Variants in FRAS1 observed in about 807,000 individuals in gnomAD.
The protein encoded by FRAS1 is extracellular matrix organizing protein FRAS1.
Under a neutral mutation model 435.2 loss-of-function variants are expected in FRAS1, and 290 were observed. The ratio of observed to expected loss-of-function variants is 0.67; its 90% confidence interval spans 0.61 to 0.73. The LOEUF (loss-of-function observed/expected upper bound fraction) is 0.73. FRAS1 is among the 30% of genes least tolerant of loss of function. The probability of loss-of-function intolerance (pLI) is 0.00; values close to 1 mark genes in which losing one functional copy is unlikely to be tolerated. For synonymous variants in FRAS1, 1,800 were observed against 1,851.0 expected (o/e 0.97, Z 0.71); for missense variants, 4,860 against 5,001.5 (o/e 0.97, Z 0.85).
intron 2 of FRAS1, among the ~76,000 whole-genome samples, chr4:78,109,487 A>C (rs1742582120): frequency 1.3e-5 from 2 of 151,676 alleles, no homozygotes; most frequent in African/African-American, 2.4e-5. Context: ...AAACAGAGCC[A>C]AAGACAAAAA....
At chr4:78,323,115 A>C (rs1487424898) in intron 18 of FRAS1, among the ~76,000 whole-genome samples, 1 of 152,000 alleles carries the variant, frequency 6.6e-6, no homozygotes, top group African/African-American at 2.4e-5. Flanking sequence ...TTGGCTCTTC[A>C]AAAAAAATGA....
chr4:78,384,218 G>T, intron 28 of FRAS1, 75 bp downstream of exon 28: 2 of 1,046,298 alleles, frequency 1.9e-6, no homozygotes, highest in Admixed American at 2.5e-5. Flanking sequence ...GGTTTCCTGT[G>T]GATTTAATGA....
At chr4:78,196,530 T>A (rs1003816585) in intron 2 of FRAS1, among the ~76,000 whole-genome samples, 2 of 152,206 alleles carry the variant, frequency 1.3e-5, no homozygotes, top group African/African-American at 4.8e-5. Flanking sequence ...TAATCCTTAT[T>A]TACTCTTATT....
chr4:78,230,320 A>AT (rs1212293755), intron 2 of FRAS1, among the ~76,000 whole-genome samples: 1 of 152,154 alleles, frequency 6.6e-6, no homozygotes, highest in Non-Finnish European at 1.5e-5. Context: ...ATTAACCTGT[A>AT]TTTGCTCCTC....
chr4:78,125,386 G>T (rs540599900), intron 2 of FRAS1, among the ~76,000 whole-genome samples: 1 of 152,114 alleles, frequency 6.6e-6, no homozygotes, highest in African/African-American at 2.4e-5. Flanking sequence ...TTTTACATTT[G>T]CTGAGGAGTG....
At chr4:78,336,445 G>T (rs905206862) in intron 19 of FRAS1, among the ~76,000 whole-genome samples, 1 of 152,166 alleles carries the variant, frequency 6.6e-6, no homozygotes, top group Non-Finnish European at 1.5e-5. Flanking sequence ...GGAGCCAGCA[G>T]ATGGATGGTA....
intron 29 of FRAS1, among the ~76,000 whole-genome samples, chr4:78,389,653 G>A (rs542221945): frequency 4.6e-5 from 7 of 152,240 alleles, no homozygotes; most frequent in East Asian, 1.9e-4. Flanking sequence ...TTGTTTCTTC[G>A]TTCTTGGTTT....
chr4:78,159,990 G>T (rs1721072136), intron 2 of FRAS1, among the ~76,000 whole-genome samples: 1 of 152,206 alleles, frequency 6.6e-6, no homozygotes, highest in East Asian at 1.9e-4. Flanking sequence ...CCATGGGAGA[G>T]AAAGGGTGTT....
chr4:78,308,251 C>T lies in FRAS1; in HGVS notation c.1678+42C>T, dbSNP rs773407561. 29 of 1,589,446 alleles carry T rather than the reference C, an allele frequency of 1.8e-5. No homozygotes were observed. The African/African-American group carries it at 3.9e-4, about 21-fold the overall frequency. On this transcript the variant is annotated intron_variant, in intron 15 of 73. Transcript: ENST00000512123. The stretch of plus-strand genomic sequence containing the variant: ...GATGCTGACGTGTCCTTTCCTTTTT[C>T]TTTTCCAGCATCTCTTGTTGTATTC...
intron 2 of FRAS1, among the ~76,000 whole-genome samples, chr4:78,078,648 T>C: frequency 1.3e-5 from 2 of 152,118 alleles, no homozygotes; most frequent in East Asian, 3.9e-4. Context: ...CATTCAATAA[T>C]AATTAAGAAC....
chr4:78,542,029 C>T lies in FRAS1; in HGVS notation c.*905C>T, dbSNP rs1274414758. On this transcript the variant is annotated 3_prime_UTR_variant, in exon 74 of 74. Transcript: ENST00000512123. The stretch of plus-strand genomic sequence containing the variant: ...CTTTCCTCCTACTCCGGTCTTTGCC[C>T]GTTCCTGTAACAGACAATCCCATGT... 6.6e-6 allele frequency: 1 copy of T among 152,218 alleles called. No individual in the cohort carries two copies. Among genetic ancestry groups the T allele is most frequent in the Non-Finnish European group, 1.5e-5 (1 of 68,042 alleles). The allele number at this position is 152,218 out of a possible 1,614,324, so 9.4% of individuals were successfully genotyped here.
At chr4:78,303,177 G>A (rs943622347) in intron 14 of FRAS1, among the ~76,000 whole-genome samples, 23 of 152,086 alleles carry the variant, frequency 1.5e-4, no homozygotes, top group African/African-American at 5.3e-4. Flanking sequence ...TAGATATGCG[G>A]CATTATTTCT....
chr4:78,308,903 C>G (rs577841778), intron 15 of FRAS1, among the ~76,000 whole-genome samples: 2 of 152,302 alleles, frequency 1.3e-5, no homozygotes, highest in East Asian at 3.9e-4. Flanking sequence ...CCAATGATGC[C>G]CTTGTCCTAA....
At chr4:78,157,066 C>G (rs1238207522) in intron 2 of FRAS1, among the ~76,000 whole-genome samples, 4 of 152,170 alleles carry the variant, frequency 2.6e-5, no homozygotes, top group Non-Finnish European at 5.9e-5. Context: ...TGATCACAAC[C>G]CCATTGGCAT....
chr4:78,304,724 T>A (rs1261196678), intron 14 of FRAS1, among the ~76,000 whole-genome samples: 1 of 152,196 alleles, frequency 6.6e-6, no homozygotes, highest in South Asian at 2.1e-4. Context: ...CCCTTTATCA[T>A]TTTTTATTGC....
chr4:78,420,904 A>ATATATATATATATATATATATAT (rs1222784707), intron 33 of FRAS1, among the ~76,000 whole-genome samples: 2 of 83,822 alleles, frequency 2.4e-5, no homozygotes, highest in South Asian at 2.9e-4. Context: ...ATATATATAT[A>ATATATATATATATATATATATAT]TATATATATA....
chr4:78,225,415 C>A (rs899710192), intron 2 of FRAS1, among the ~76,000 whole-genome samples: 1 of 152,132 alleles, frequency 6.6e-6, no homozygotes, highest in Non-Finnish European at 1.5e-5. Flanking sequence ...CCCAGGGAGG[C>A]GGTTTGTCTG....
intron 51 of FRAS1, among the ~76,000 whole-genome samples, chr4:78,470,938 G>C (rs1214203808): frequency 1.3e-5 from 2 of 152,172 alleles, no homozygotes; most frequent in Admixed American, 6.5e-5. Flanking sequence ...TGGCCCAAAT[G>C]TTGCATGGGA....
chr4:78,317,277 T>G, intron 16 of FRAS1, 91 bp from the exon 17 acceptor site: 2 of 1,448,462 alleles, frequency 1.4e-6, no homozygotes, highest in Admixed American at 3.4e-5. Flanking sequence ...CACAGGGGAC[T>G]AAGAGTCCCA....
Sources: allele counts gnomAD v4.1 joint callset (sites outside exome capture counted in the v4.1 genomes callset), GRCh38; gene constraint gnomAD v4.1.1; transcripts MANE v1.5; gene names NCBI Gene and HGNC (gene_info 2026-07-23, HGNC 2026-07-21).